SAMMSON: variants seen among roughly 807,000 people sequenced by gnomAD.
SAMMSON encodes long intergenic non-protein coding RNA 1212.
chr3:70,059,980 T>C (rs2067181682), intron 3 of SAMMSON, among the ~76,000 whole-genome samples: 2 of 152,094 alleles, frequency 1.3e-5, no homozygotes, highest in African/African-American at 2.4e-5. Flanking sequence ...ACAGGAATCA[T>C]GGATAACAAA....
At chr3:70,307,650 C>T (rs959264968) in intron 7 of SAMMSON, among the ~76,000 whole-genome samples, 3 of 152,076 alleles carry the variant, frequency 2.0e-5, no homozygotes, top group African/African-American at 4.8e-5. Context: ...GTGTATTAGC[C>T]GTCACCACCC....
intron 3 of SAMMSON, among the ~76,000 whole-genome samples, chr3:70,024,217 T>C (rs2067028043): frequency 6.6e-6 from 1 of 152,162 alleles, no homozygotes; most frequent in African/African-American, 2.4e-5. Flanking sequence ...AGTCTAGACA[T>C]ATAGTGGAAA....
At chr3:70,176,721 A>G (rs944877495) in intron 4 of SAMMSON, among the ~76,000 whole-genome samples, 4 of 152,234 alleles carry the variant, frequency 2.6e-5, no homozygotes, top group African/African-American at 4.8e-5. Context: ...AAAAGATAAG[A>G]CTAGGTGTTC....
intron 4 of SAMMSON, among the ~76,000 whole-genome samples, chr3:70,191,973 T>C (rs1701134054): frequency 7.0e-6 from 1 of 143,118 alleles, no homozygotes. Flanking sequence ...TTAAATATTT[T>C]CTATATGATA....
At chr3:70,314,403 C>T (rs1575623904) in intron 7 of SAMMSON, among the ~76,000 whole-genome samples, 2 of 152,238 alleles carry the variant, frequency 1.3e-5, no homozygotes, top group East Asian at 3.9e-4. Context: ...GATGTCACTT[C>T]CTCGGGCATT....
chr3:70,125,228 C>T (rs1051543488), intron 4 of SAMMSON: 7 of 1,361,488 alleles, frequency 5.1e-6, no homozygotes, highest in African/African-American at 2.8e-5. Context: ...TCCTTTCATA[C>T]GACCTTCTTT....
intron 3 of SAMMSON, among the ~76,000 whole-genome samples, chr3:70,023,874 A>T (rs1306690968): frequency 2.0e-5 from 3 of 152,216 alleles, no homozygotes; most frequent in Admixed American, 2.0e-4. Flanking sequence ...ATTGAGTCTT[A>T]CAACCTACAC....
At chr3:70,310,807 CTT>C (rs1436773307) in intron 7 of SAMMSON, among the ~76,000 whole-genome samples, 1 of 152,056 alleles carries the variant, frequency 6.6e-6, no homozygotes, top group Admixed American at 6.6e-5. Context: ...TGACGAGTAA[CTT>C]AAACATTTTT....
intron 4 of SAMMSON, among the ~76,000 whole-genome samples, chr3:70,110,173 T>C (rs986656143): frequency 4.6e-5 from 7 of 152,182 alleles, no homozygotes; most frequent in Admixed American, 2.0e-4. Flanking sequence ...CATCATATGT[T>C]CGTGTGTCTT....
intron 3 of SAMMSON, among the ~76,000 whole-genome samples, chr3:70,034,983 A>G (rs907737127): frequency 6.6e-6 from 1 of 152,230 alleles, no homozygotes; most frequent in African/African-American, 2.4e-5. Flanking sequence ...GCTTAAAACA[A>G]TATCAATGAC....
At chr3:70,380,086 A>G (rs1703052543) in intron 9 of SAMMSON, among the ~76,000 whole-genome samples, 1 of 152,138 alleles carries the variant, frequency 6.6e-6, no homozygotes, top group Non-Finnish European at 1.5e-5. Flanking sequence ...ATACATTTAT[A>G]TAAAGTGCTG....
chr3:70,037,405 G>C (rs1386759745), intron 3 of SAMMSON, among the ~76,000 whole-genome samples: 1 of 152,088 alleles, frequency 6.6e-6, no homozygotes, highest in Non-Finnish European at 1.5e-5. Flanking sequence ...AGTTGAGGAT[G>C]ATTGGTTCAT....
intron 6 of SAMMSON, among the ~76,000 whole-genome samples, chr3:70,261,204 G>C (rs570144828): frequency 6.6e-6 from 1 of 152,138 alleles, no homozygotes; most frequent in Non-Finnish European, 1.5e-5. Flanking sequence ...ACATTTGGTG[G>C]TCAAAGCTTT....
chr3:70,140,009 C>A (rs1478712551), intron 4 of SAMMSON, among the ~76,000 whole-genome samples: 1 of 152,114 alleles, frequency 6.6e-6, no homozygotes, highest in African/African-American at 2.4e-5. Context: ...TTGTCTAAAT[C>A]TTTAAGTTCT....
chr3:70,384,028 CATTGGTTAAGG>C lies in SAMMSON; in HGVS notation n.914-5543_914-5533del, dbSNP rs1703099611. Among the ~76,000 whole-genome samples the C allele has an allele frequency of 2.6e-5, 4 of 151,638 alleles. No individual in the cohort carries two copies. The South Asian group carries it at 8.3e-4, about 31-fold the overall frequency. ...TGGGGAGTGAAATGACCAACAAAAC[CATTGGTTAAGG>C]ATGCAATCTTTGAGAGCCACTAAAC... On this transcript the variant is annotated intron_variant and non_coding_transcript_variant, in intron 9 of 9. Transcript: ENST00000642114.
At chr3:70,170,493 C>T (rs1428203758) in intron 4 of SAMMSON, among the ~76,000 whole-genome samples, 2 of 148,316 alleles carry the variant, frequency 1.3e-5, no homozygotes, top group African/African-American at 2.5e-5. Context: ...TTATACCGCA[C>T]AATTAATGGC....
intron 9 of SAMMSON, among the ~76,000 whole-genome samples, chr3:70,382,539 A>G (rs1292393368): frequency 6.6e-6 from 1 of 152,092 alleles, no homozygotes; most frequent in African/African-American, 2.4e-5. Context: ...AAACCAGAAT[A>G]ATTTGTCCCA....
At chr3:70,349,929 G>A (rs886922498) in intron 7 of SAMMSON, among the ~76,000 whole-genome samples, 3 of 151,332 alleles carry the variant, frequency 2.0e-5, no homozygotes, top group African/African-American at 7.3e-5. Context: ...TGTGAAGTAT[G>A]TTTTTTTTTG....
At position 70,180,004 on chromosome 3, in the gene SAMMSON, A is replaced by ATGTG. The variant is rs10555321; in HGVS notation, n.508-69082_508-69079dup. ...TTTTATTATTTTACCTGTGCTTCGT[A>ATGTG]TGTGTGTGTGTGTGTGTGTGTGTGC... On this transcript the variant is annotated intron_variant and non_coding_transcript_variant, in intron 4 of 9. Transcript: ENST00000642114. Among the ~76,000 whole-genome samples the ATGTG allele has an allele frequency of 6.5e-3, 957 of 148,184 alleles. 3 individuals are homozygous for ATGTG. The highest frequency in any genetic ancestry group is 0.017 in the Middle Eastern group (5 of 286).
Sources: allele counts gnomAD v4.1 joint callset (sites outside exome capture counted in the v4.1 genomes callset), GRCh38; gene constraint gnomAD v4.1.1; transcripts MANE v1.5; gene names NCBI Gene and HGNC (gene_info 2026-07-23, HGNC 2026-07-21).